The following STK24 variants were observed in gnomAD, a reference collection of about 807,000 sequenced individuals.
STK24 encodes serine/threonine-protein kinase 24.
A neutral mutation model predicts 55.6 loss-of-function variants in STK24; 21 were observed. The observed-to-expected ratio is 0.38, with a 90% CI of 0.27 to 0.54. The LOEUF (loss-of-function observed/expected upper bound fraction) is 0.54. Ranked by LOEUF, STK24 falls within the 20% of genes least tolerant of loss-of-function variation. The pLI, the probability that STK24 is intolerant of heterozygous loss-of-function variation, is 0.79. For synonymous variants in STK24, 200 were observed against 215.2 expected (o/e 0.93, Z 0.62); for missense variants, 383 against 538.4 (o/e 0.71, Z 2.86).
At chr13:98,534,259 G>A (rs1309674947) in intron 1 of STK24, among the ~76,000 whole-genome samples, 5 of 152,180 alleles carry the variant, frequency 3.3e-5, no homozygotes, top group Admixed American at 6.5e-5. Context: ...TGCGGTTTGA[G>A]ATGACAATGA....
intron 1 of STK24, among the ~76,000 whole-genome samples, chr13:98,551,548 C>T (rs1312442019): frequency 6.6e-6 from 1 of 151,688 alleles, no homozygotes; most frequent in Non-Finnish European, 1.5e-5. Context: ...GAAGGAAAAA[C>T]CTAACCCTTC....
intron 2 of STK24, among the ~76,000 whole-genome samples, chr13:98,485,442 T>C (rs756412046): frequency 7.2e-6 from 1 of 139,206 alleles, no homozygotes; most frequent in Non-Finnish European, 1.7e-5. Flanking sequence ...GGCCAGCTGA[T>C]CCATCAAGTG....
intron 1 of STK24, chr13:98,576,338 C>A: frequency 1.8e-6 from 1 of 564,086 alleles, no homozygotes; most frequent in Non-Finnish European, 2.3e-6. Flanking sequence ...CGTCCTGGGG[C>A]CCTCCGCCAA....
chr13:98,509,793 A>AC (rs1314810790), intron 2 of STK24, among the ~76,000 whole-genome samples: 1 of 151,962 alleles, frequency 6.6e-6, no homozygotes, highest in African/African-American at 2.4e-5. Context: ...ACAGAGCCCC[A>AC]CGCCCTGTTC....
At chr13:98,494,412 C>CAAAACAAAAAAAAAAAAAAAAAAAAAAAA (rs1895167746) in intron 2 of STK24, among the ~76,000 whole-genome samples, 1 of 66,726 alleles carries the variant, frequency 1.5e-5, no homozygotes, top group Non-Finnish European at 3.0e-5. Context: ...AGACTCGTCT[C>CAAAACAAAAAAAAAAAAAAAAAAAAAAAA]AAAAAAAAAA....
intron 1 of STK24, among the ~76,000 whole-genome samples, chr13:98,563,268 A>G (rs987331159): frequency 6.6e-6 from 1 of 152,210 alleles, no homozygotes; most frequent in African/African-American, 2.4e-5. Flanking sequence ...ATGCTATTAG[A>G]TGGCACACTT....
At position 98,534,548 on chromosome 13, in the gene STK24, G is replaced by A. The variant is rs78940253; in HGVS notation, c.43-15075C>T. ...TTAGAAATTATGGTTTAGGGGTCAC[G>A]CAGGCCGGAGGCTACAAGATTCTGA... On this transcript the variant is annotated intron_variant, in intron 1 of 10. Coordinates refer to ENST00000539966, the MANE Select transcript of STK24 (RefSeq NM_001032296.4). Among the ~76,000 whole-genome samples, 799 of 152,244 alleles carry A rather than the reference G, an allele frequency of 5.2e-3. 8 individuals are homozygous for A. Among genetic ancestry groups the A allele is most frequent in the African/African-American group, 0.018 (754 of 41,532 alleles).
chr13:98,540,972 C>T (rs1896872947), intron 1 of STK24, among the ~76,000 whole-genome samples: 1 of 152,082 alleles, frequency 6.6e-6, no homozygotes, highest in Non-Finnish European at 1.5e-5. Flanking sequence ...TATTGGGCAT[C>T]TGAAGGAACT....
At position 98,450,195 on chromosome 13, in the gene STK24, C is replaced by T. The variant is rs3742137; in HGVS notation, c.*2978G>A. On this transcript the variant is annotated 3_prime_UTR_variant, in exon 11 of 11. Transcript: ENST00000539966. The stretch of plus-strand genomic sequence containing the variant: ...ACTACACATGAGACACACAATGATG[C>T]AGATACTCGTTTTCTTGAGCTTTAT... The T allele has an allele frequency of 0.26, 39,037 of 152,104 alleles. 5,159 individuals carry two copies. Among genetic ancestry groups the T allele is most frequent in the Non-Finnish European group, 0.3 (20,140 of 67,970 alleles). The allele number at this position is 152,104 out of a possible 1,614,324, so 9.4% of individuals were successfully genotyped here.
chr13:98,548,080 G>C (rs1001703728), intron 1 of STK24, among the ~76,000 whole-genome samples: 2 of 152,088 alleles, frequency 1.3e-5, no homozygotes, highest in Non-Finnish European at 2.9e-5. Flanking sequence ...TGGAGTCTAC[G>C]GCCAGGTGCA....
At chr13:98,508,436 T>G (rs1156480791) in intron 2 of STK24, among the ~76,000 whole-genome samples, 1 of 152,196 alleles carries the variant, frequency 6.6e-6, no homozygotes, top group Admixed American at 6.5e-5. Flanking sequence ...GCAAGAGTAT[T>G]TGCCTACAAG....
chr13:98,470,052 G>A (rs765856057), intron 5 of STK24, among the ~76,000 whole-genome samples: 2 of 152,222 alleles, frequency 1.3e-5, no homozygotes, highest in Non-Finnish European at 2.9e-5. Flanking sequence ...ACTTAATGAA[G>A]TAGGATGTAC....
Position 98,446,772 on chromosome 13 carries a change from CCCA to C in STK24, c.*6398_*6400del. On this transcript the variant is annotated 3_prime_UTR_variant, in exon 11 of 11. Transcript: ENST00000539966. ...TACGTGTTCAAGCTGCACTTCAAGT[CCCA>C]CGTCTACTACTTCAGGGCGGAAAGC... is the stretch of plus-strand genomic sequence containing the variant. The C allele has an allele frequency of 6.2e-7, 1 of 1,614,148 alleles. No homozygotes were observed. Among genetic ancestry groups the C allele is most frequent in the South Asian group, 1.1e-5 (1 of 91,074 alleles).
intron 1 of STK24, among the ~76,000 whole-genome samples, chr13:98,567,277 C>T (rs1897607518): frequency 6.6e-6 from 1 of 152,208 alleles, no homozygotes; most frequent in Non-Finnish European, 1.5e-5. Flanking sequence ...CACATAACAC[C>T]CAGGCCCTCT....
At chr13:98,460,492 G>A in intron 8 of STK24, 52 bp from the exon 9 acceptor site, 1 of 1,466,490 alleles carries the variant, frequency 6.8e-7, no homozygotes, top group Non-Finnish European at 9.5e-7. Context: ...GTTCACATTG[G>A]CAATAATTTA....
chr13:98,555,104 C>T (rs551436953), intron 1 of STK24, among the ~76,000 whole-genome samples: 1 of 151,404 alleles, frequency 6.6e-6, no homozygotes, highest in South Asian at 2.1e-4. Flanking sequence ...TTTCTTATTA[C>T]ACTTGATTGG....
At chr13:98,479,720 G>A (rs1197421119) in intron 3 of STK24, among the ~76,000 whole-genome samples, 5 of 152,156 alleles carry the variant, frequency 3.3e-5, no homozygotes. Flanking sequence ...CCTCAGCTCC[G>A]GGAGACCCTT....
intron 6 of STK24, among the ~76,000 whole-genome samples, chr13:98,465,702 G>C (rs1893903139): frequency 1.3e-5 from 2 of 152,242 alleles, no homozygotes; most frequent in African/African-American, 4.8e-5. Context: ...GTTAAGAAAA[G>C]GGGGGCTCAG....
At chr13:98,537,738 G>C (rs1317750051) in intron 1 of STK24, among the ~76,000 whole-genome samples, 1 of 152,134 alleles carries the variant, frequency 6.6e-6, no homozygotes, top group East Asian at 1.9e-4. Flanking sequence ...GTGTAGTGCA[G>C]GGGCTGAGGG....
Sources: allele counts gnomAD v4.1 joint callset (sites outside exome capture counted in the v4.1 genomes callset), GRCh38; gene constraint gnomAD v4.1.1; transcripts MANE v1.5; gene names NCBI Gene and HGNC (gene_info 2026-07-23, HGNC 2026-07-21).